Variants in PGM2L1 observed in about 807,000 individuals in gnomAD.
PGM2L1 encodes glucose 1,6-bisphosphate synthase.
A neutral mutation model predicts 73.4 loss-of-function variants in PGM2L1; 35 were observed. That is an observed-to-expected ratio of 0.48 (90% CI 0.36 to 0.63). PGM2L1 has a LOEUF of 0.63. Ranked by LOEUF, PGM2L1 falls within the 30% of genes least tolerant of loss-of-function variation. PGM2L1 has a pLI of 0.00. For missense variants in PGM2L1, 570 were observed against 742.0 expected, an observed-to-expected ratio of 0.77 and a Z score of 2.69; for synonymous variants, 225 against 253.8, an observed-to-expected ratio of 0.89 and a Z score of 1.08.
At chr11:74,370,877 A>G (rs112031933) in intron 4 of PGM2L1, 25 bp downstream of exon 4, 3 of 1,555,806 alleles carry the variant, frequency 1.9e-6, no homozygotes, top group Non-Finnish European at 2.7e-6. Flanking sequence ...AGCAAGCTAT[A>G]TGATCACCAA....
In PGM2L1 at chr11:74,355,605, T is replaced by C. The variant is rs142016380; in HGVS notation, c.556-4029A>G. ...TTTGGATCCATGAAGGGAAGAAACT[T>C]TGGAGGCAGAAGCTCTGGCCCCTAT... is the stretch of plus-strand genomic sequence containing the variant. On this transcript the variant is annotated intron_variant, in intron 5 of 13. Transcript: ENST00000298198. The C allele has an allele frequency of 4.1e-3, 1,672 of 410,766 alleles. 28 individuals carry two copies. The highest frequency in any genetic ancestry group is 0.029 in the African/African-American group (1,373 of 47,662). The allele number at this position is 410,766 out of a possible 1,614,324, so 25.4% of individuals were successfully genotyped here.
rs977435627 is a variant in PGM2L1, at chr11:74,334,505, T to C, written c.*2147A>G. Reference sequence around the variant, plus strand: ...TGCAAAGCCTTTGAAAACAAACTCATTGAGAAAAATGGTGCTCTACATTTA... The same window carrying C: ...TGCAAAGCCTTTGAAAACAAACTCACTGAGAAAAATGGTGCTCTACATTTA... On this transcript the variant is annotated 3_prime_UTR_variant, in exon 14 of 14. Coordinates refer to ENST00000298198, the MANE Select transcript of PGM2L1 (RefSeq NM_173582.6). The C allele has an allele frequency of 2.6e-4, 40 of 152,170 alleles. No homozygotes were observed. Among genetic ancestry groups the C allele is most frequent in the African/African-American group, 9.4e-4 (39 of 41,450 alleles). The allele number at this position is 152,170 out of a possible 1,614,324, so 9.4% of individuals were successfully genotyped here.
intron 1 of PGM2L1, 90 bp downstream of exon 1, chr11:74,397,961 T>C: frequency 7.0e-7 from 1 of 1,431,900 alleles, no homozygotes; most frequent in Non-Finnish European, 9.2e-7. Context: ...AGCCATCTCC[T>C]CTGCAGCCCG....
rs546214560 is a variant in PGM2L1, at chr11:74,354,789, T to TCTTTAAA, written c.556-3214_556-3213insTTTAAAG. The TCTTTAAA allele has an allele frequency of 2.7e-4, 269 of 1,014,256 alleles. 1 individual carries two copies. In the African/African-American group the frequency reaches 3.8e-3, roughly 14 times the overall value. 62.8% of individuals were successfully genotyped at this position (1,014,256 alleles called of 1,614,324 possible). A position where few individuals can be genotyped will look rare whatever the true frequency, so the allele number is the denominator to read the frequency against. On this transcript the variant is annotated intron_variant, in intron 5 of 13. Transcript: ENST00000298198. The stretch of plus-strand genomic sequence containing the variant: ...TTGTTGGTAGCATTAAAGAAGACCC[T>TCTTTAAA]GAAGAACATCACCTAAGAGATTATT...
intron 5 of PGM2L1, among the ~76,000 whole-genome samples, chr11:74,356,008 T>C (rs1862448359): frequency 6.6e-6 from 1 of 152,160 alleles, no homozygotes; most frequent in South Asian, 2.1e-4. Flanking sequence ...ACCCATGCTG[T>C]TGATTGCTAA....
intron 5 of PGM2L1, among the ~76,000 whole-genome samples, chr11:74,356,875 C>G (rs958144110): frequency 1.1e-4 from 16 of 151,834 alleles, no homozygotes; most frequent in Non-Finnish European, 2.9e-5. Context: ...GTCTTGTTGC[C>G]CAGGCTGGAG....
At position 74,338,617 on chromosome 11, in the gene PGM2L1, A is replaced by G. The variant is rs770275389; in HGVS notation, c.1633-16T>C. Reference sequence around the variant, plus strand: ...CAGGCAGCACCTATGCAAAATGGCAACAACAGCTTAATTATACTTGGCATC... The same window carrying G: ...CAGGCAGCACCTATGCAAAATGGCAGCAACAGCTTAATTATACTTGGCATC... On this transcript the variant is annotated splice_polypyrimidine_tract_variant and intron_variant, in intron 12 of 13. Coordinates refer to ENST00000298198, the MANE Select transcript of PGM2L1 (RefSeq NM_173582.6). 1 of 1,572,260 alleles carries G rather than the reference A, an allele frequency of 6.4e-7. No homozygotes were observed. Among genetic ancestry groups the G allele is most frequent in the South Asian group, 1.1e-5 (1 of 87,440 alleles).
At chr11:74,367,984 G>T (rs185211685) in intron 5 of PGM2L1, among the ~76,000 whole-genome samples, 1 of 151,978 alleles carries the variant, frequency 6.6e-6, no homozygotes, top group Admixed American at 6.6e-5. Flanking sequence ...GCCCCAAATC[G>T]TGGTTCAATA....
chr11:74,366,482 A>G (rs1164275209), intron 5 of PGM2L1, among the ~76,000 whole-genome samples: 2 of 150,944 alleles, frequency 1.3e-5, no homozygotes, highest in Admixed American at 1.3e-4. Flanking sequence ...AGGAAGAAGC[A>G]GCGATAAGTT....
intron 5 of PGM2L1, among the ~76,000 whole-genome samples, chr11:74,360,402 T>C (rs1862540477): frequency 6.6e-6 from 1 of 151,404 alleles, no homozygotes; most frequent in Non-Finnish European, 1.5e-5. Context: ...GGCTGGAGAA[T>C]TCCTTGAGTT....
intron 12 of PGM2L1, among the ~76,000 whole-genome samples, chr11:74,341,427 C>G (rs894227098): frequency 6.6e-6 from 1 of 152,140 alleles, no homozygotes; most frequent in Non-Finnish European, 1.5e-5. Flanking sequence ...CGTGGTGGCT[C>G]ATGCCTGTAA....
intron 1 of PGM2L1, among the ~76,000 whole-genome samples, chr11:74,384,546 A>T (rs1471405216): frequency 1.3e-5 from 2 of 151,404 alleles, no homozygotes; most frequent in Non-Finnish European, 2.9e-5. Flanking sequence ...GTTATCTTTG[A>T]CTCTGTACTA....
rs1286594696 is a variant in PGM2L1 at position 74,335,630 on chromosome 11, T to C, written c.*1022A>G. 1 of 151,914 alleles carries C rather than the reference T, an allele frequency of 6.6e-6. No homozygotes were observed. The highest frequency in any genetic ancestry group is 1.5e-5 in the Non-Finnish European group (1 of 67,924). 9.4% of individuals were successfully genotyped at this position (151,914 alleles called of 1,614,324 possible). ...TTACTTCATAAAATAAAAGAATAAA[T>C]CTACTTACAAAAATGTAATTCAAAA... On this transcript the variant is annotated 3_prime_UTR_variant, in exon 14 of 14. Coordinates refer to ENST00000298198, the MANE Select transcript of PGM2L1 (RefSeq NM_173582.6).
chr11:74,353,982 C>G (rs534006164), intron 5 of PGM2L1, among the ~76,000 whole-genome samples: 43 of 152,042 alleles, frequency 2.8e-4, no homozygotes, highest in African/African-American at 9.6e-4. Context: ...GTCCTGAAAG[C>G]TCACGTGAAA....
Position 74,345,593 on chromosome 11 carries a change from A to G in PGM2L1, c.1094T>C (p.Met365Thr). 1 of 1,613,882 alleles carries G rather than the reference A, an allele frequency of 6.2e-7. No individual in the cohort carries two copies. Among genetic ancestry groups the G allele is most frequent in the South Asian group, 1.1e-5 (1 of 91,080 alleles). ...NELAALFGWW[M>T]FDCWKKNKSR... is the part of the protein sequence containing the mutation. ...TTTATTTTTCTTCCAGCAATCAAACATCCACCATCCAAACAAAGCTGCCAA... is the reference window on the plus strand; with the variant it reads ...TTTATTTTTCTTCCAGCAATCAAACGTCCACCATCCAAACAAAGCTGCCAA... The change falls in exon 9 of 14, where the codon ATG becomes ACG. Residue 365 changes from methionine to threonine, a missense_variant. Transcript: ENST00000298198.
chr11:74,345,412 C>T lies in PGM2L1; in HGVS notation c.1218+57G>A, dbSNP rs116546022. On this transcript the variant is annotated intron_variant, in intron 9 of 13. Coordinates refer to ENST00000298198, the MANE Select transcript of PGM2L1 (RefSeq NM_173582.6). ...AAAGTCAGTCTTGGTGGGGAGATGTCTTTAACATACAGAAATAGGTTTTAA... is the reference window on the plus strand; with the variant it reads ...AAAGTCAGTCTTGGTGGGGAGATGTTTTTAACATACAGAAATAGGTTTTAA... 2.4e-4 allele frequency: 344 copies of T among 1,436,964 alleles called. 5 individuals are homozygous for T. In the African/African-American group the frequency reaches 4.4e-3, roughly 18 times the overall value. 89.0% of individuals were successfully genotyped at this position (1,436,964 alleles called of 1,614,324 possible). A position where few individuals can be genotyped will look rare whatever the true frequency, so the allele number is the denominator to read the frequency against.
chr11:74,366,323 G>A (rs1038137143), intron 5 of PGM2L1, among the ~76,000 whole-genome samples: 5 of 149,364 alleles, frequency 3.3e-5, no homozygotes, highest in African/African-American at 1.2e-4. Context: ...TAACAAACCT[G>A]CACGTTGTGC....
chr11:74,368,073 C>T (rs1862689571), intron 5 of PGM2L1, among the ~76,000 whole-genome samples: 1 of 152,108 alleles, frequency 6.6e-6, no homozygotes, highest in Admixed American at 6.6e-5. Context: ...AGAGGCTGAC[C>T]CATCAAGTGG....
At chr11:74,355,262 T>C in intron 5 of PGM2L1, 1 of 1,220,836 alleles carries the variant, frequency 8.2e-7, no homozygotes, top group Admixed American at 1.7e-5. Context: ...AGTCTTCAAA[T>C]TTTGGACTCA....
Sources: gnomAD v4.1 joint callset for allele counts (sites outside exome capture counted in the v4.1 genomes callset) on GRCh38, gnomAD v4.1.1 for gene constraint, MANE v1.5 for transcripts, NCBI Gene and HGNC (gene_info 2026-07-23, HGNC 2026-07-21) for gene names.